EPS8: variants seen among roughly 807,000 people sequenced by gnomAD.
The protein encoded by EPS8 is EGFR pathway substrate 8, signaling adaptor, also known as epidermal growth factor receptor kinase substrate 8.
Under a neutral mutation model 103.8 loss-of-function variants are expected in EPS8, and 42 were observed. The ratio of observed to expected loss-of-function variants is 0.40; its 90% CI spans 0.32 to 0.52. EPS8 has a LOEUF of 0.52. EPS8 is among the 20% of genes least tolerant of loss of function. The pLI is 0.40. For synonymous variants in EPS8, 344 were observed against 344.6 expected (o/e 1.00, Z 0.02); for missense variants, 969 against 1,005.1 (o/e 0.96, Z 0.49).
chr12:15,755,951 T>C (rs1214181414), intron 1 of EPS8, among the ~76,000 whole-genome samples: 1 of 152,204 alleles, frequency 6.6e-6, no homozygotes, highest in Non-Finnish European at 1.5e-5. Flanking sequence ...TGTATTTTGA[T>C]TGCTCCTTCC....
intron 1 of EPS8, among the ~76,000 whole-genome samples, chr12:15,739,674 C>A (rs1015691502): frequency 6.6e-6 from 1 of 152,186 alleles, no homozygotes; most frequent in Non-Finnish European, 1.5e-5. Flanking sequence ...TCACCATCAA[C>A]TTCCCTGGTT....
At chr12:15,673,266 G>A (rs1018765533) in intron 3 of EPS8, among the ~76,000 whole-genome samples, 2 of 152,042 alleles carry the variant, frequency 1.3e-5, no homozygotes, top group African/African-American at 4.8e-5. Context: ...AGTTGTATAA[G>A]AAACTACCTT....
At chr12:15,631,744 C>T (rs866881418) in intron 17 of EPS8, 80 bp from the exon 18 acceptor site, 8 of 1,110,380 alleles carry the variant, frequency 7.2e-6, no homozygotes, top group Non-Finnish European at 1.0e-5. Flanking sequence ...TTTGATAGGA[C>T]ATTGTTGGCT....
At position 15,757,573 on chromosome 12, in the gene EPS8, T is replaced by G. The variant is rs1379538713; in HGVS notation, c.-22+31588A>C. Among the ~76,000 whole-genome samples, 1 of 151,446 alleles carries G rather than the reference T, an allele frequency of 6.6e-6. No homozygotes were observed. The highest frequency in any genetic ancestry group is 1.5e-5 in the Non-Finnish European group (1 of 67,898). On this transcript the variant is annotated intron_variant, in intron 1 of 20. Coordinates refer to ENST00000281172, the MANE Select transcript of EPS8 (RefSeq NM_004447.6). The surrounding 1 kb of genome is among the most constrained non-coding windows in gnomAD (Gnocchi z 4.1). ...TGAACCCAGGAGCCAGAAGTTGCAG[T>G]GAGTTGAGATCGCGCCACTGCACTC...
intron 19 of EPS8, 43 bp downstream of exon 19, chr12:15,624,184 T>G: frequency 6.7e-7 from 1 of 1,497,876 alleles, no homozygotes; most frequent in Non-Finnish European, 9.3e-7. Flanking sequence ...AAACAATGCA[T>G]GTTGTACACA....
chr12:15,768,920 C>T (rs1050817661), intron 1 of EPS8, among the ~76,000 whole-genome samples: 2 of 152,200 alleles, frequency 1.3e-5, no homozygotes, highest in African/African-American at 4.8e-5. Context: ...TTATTTTAAT[C>T]AGACTATACT....
chr12:15,626,426 C>T (rs868120880), intron 18 of EPS8, among the ~76,000 whole-genome samples: 4 of 151,806 alleles, frequency 2.6e-5, no homozygotes, highest in South Asian at 2.1e-4. Context: ...GTCAAGAAAT[C>T]GAGACCATCC....
At chr12:15,670,792 A>G in intron 4 of EPS8, 64 bp downstream of exon 4, 2 of 1,120,988 alleles carry the variant, frequency 1.8e-6, no homozygotes, top group Non-Finnish European at 2.6e-6. Flanking sequence ...ATTCTGATTT[A>G]ACTTCCAATT....
At position 15,731,433 on chromosome 12, in the gene EPS8, G is replaced by T. The variant is rs1946715198; in HGVS notation, c.-21-48461C>A. 6.6e-6 allele frequency among the ~76,000 whole-genome samples: 1 copy of T among 152,098 alleles called. No homozygotes were observed. Among genetic ancestry groups the T allele is most frequent in the African/African-American group, 2.4e-5 (1 of 41,422 alleles). On this transcript the variant is annotated intron_variant, in intron 1 of 20. Transcript: ENST00000281172. The surrounding 1 kb of genome is among the most constrained non-coding windows in gnomAD (Gnocchi z 5.1). ...CCTGCCTCAGATTCCCAAAAGCTGG[G>T]ATTACAGGTGCCTGCCACCACGCCT...
chr12:15,658,312 A>G (rs1010626251), intron 11 of EPS8, among the ~76,000 whole-genome samples, 159 bp from the exon 12 acceptor site: 5 of 152,188 alleles, frequency 3.3e-5, no homozygotes, highest in Non-Finnish European at 5.9e-5. Flanking sequence ...TTGTTTTTCA[A>G]TCAAGTCTCT....
intron 12 of EPS8, 120 bp downstream of exon 12, chr12:15,657,959 T>G: frequency 1.5e-6 from 1 of 657,646 alleles, no homozygotes; most frequent in African/African-American, 1.9e-5. Flanking sequence ...TTTACACAAA[T>G]GGCAAAGAAA....
chr12:15,686,198 T>C (rs1946092835), intron 1 of EPS8, among the ~76,000 whole-genome samples: 1 of 152,202 alleles, frequency 6.6e-6, no homozygotes, highest in Non-Finnish European at 1.5e-5. Context: ...TCCACTTCTA[T>C]TTCATGAATA....
intron 15 of EPS8, 56 bp from the exon 16 acceptor site, chr12:15,641,886 A>G (rs1352972858): frequency 1.0e-6 from 1 of 985,648 alleles, no homozygotes; most frequent in Non-Finnish European, 1.5e-6. Context: ...AAAGGATAAA[A>G]ATGGAAAACA....
intron 17 of EPS8, 115 bp downstream of exon 17, chr12:15,640,588 T>A: frequency 1.1e-6 from 1 of 887,800 alleles, no homozygotes; most frequent in South Asian, 2.4e-5. Flanking sequence ...CTAGAAAAAA[T>A]ATATAACCAA....
At position 15,690,718 on chromosome 12, in the gene EPS8, T is replaced by C. The variant is rs11835559; in HGVS notation, c.-21-7746A>G. Among the ~76,000 whole-genome samples the C allele has an allele frequency of 0.68, 104,073 of 152,122 alleles. 37,934 individuals carry two copies. The highest frequency in any genetic ancestry group is 0.86 in the East Asian group (4,457 of 5,174). ...ATCAGACTGTATCAAGAGCAAAATG[T>C]ATAACTTTATGTCTATGAAAAGTTC... On this transcript the variant is annotated intron_variant, in intron 1 of 20. Transcript: ENST00000281172. The surrounding 1 kb of genome is among the most constrained non-coding windows in gnomAD (Gnocchi z 4.7).
rs141764740 is a variant in EPS8, at chr12:15,751,908, G to A, written c.-22+37253C>T. Among the ~76,000 whole-genome samples, 13 of 152,200 alleles carry A rather than the reference G, an allele frequency of 8.5e-5. No individual in the cohort carries two copies. Among genetic ancestry groups the A allele is most frequent in the African/African-American group, 3.1e-4 (13 of 41,514 alleles). Reference sequence around the variant, plus strand: ...AAATCTGGCATGTGTGTAGGCATGGGCGTGGGGGAGGTGGAGAGCCAGAAA... The same window carrying A: ...AAATCTGGCATGTGTGTAGGCATGGACGTGGGGGAGGTGGAGAGCCAGAAA... On this transcript the variant is annotated intron_variant, in intron 1 of 20. Transcript: ENST00000281172. The surrounding 1 kb of genome is among the most constrained non-coding windows in gnomAD (Gnocchi z 4.3).
rs1944844932 is a variant in EPS8, at chr12:15,620,454, T to C, written c.*863A>G. Reference sequence around the variant, plus strand: ...AAGTGCTTCTTATTACCAGAAATACTTGACACAGATAAACACATAAAATGG... The same window carrying C: ...AAGTGCTTCTTATTACCAGAAATACCTGACACAGATAAACACATAAAATGG... On this transcript the variant is annotated 3_prime_UTR_variant, in exon 21 of 21. Coordinates refer to ENST00000281172, the MANE Select transcript of EPS8 (RefSeq NM_004447.6). 1 of 152,664 alleles carries C rather than the reference T, an allele frequency of 6.6e-6. No individual in the cohort carries two copies. Among genetic ancestry groups the C allele is most frequent in the Non-Finnish European group, 1.5e-5 (1 of 68,034 alleles). The allele number at this position is 152,664 out of a possible 1,614,324, so 9.5% of individuals were successfully genotyped here.
In EPS8 at chr12:15,764,896, A is replaced by T. The variant is rs1344150057; in HGVS notation, c.-22+24265T>A. Among the ~76,000 whole-genome samples, 4 of 152,244 alleles carry T rather than the reference A, an allele frequency of 2.6e-5. No homozygotes were observed. Among genetic ancestry groups the T allele is most frequent in the African/African-American group, 9.6e-5 (4 of 41,464 alleles). On this transcript the variant is annotated intron_variant, in intron 1 of 20. Coordinates refer to ENST00000281172, the MANE Select transcript of EPS8 (RefSeq NM_004447.6). This position sits in a 1 kb window ranked among gnomAD's most constrained non-coding sequence, Gnocchi z 4.1. The stretch of plus-strand genomic sequence containing the variant: ...TCTACAACCATTAAAACTAAACATT[A>T]TCAATGTCAAGTACAATATCACTCT...
rs890453920 is a variant in EPS8, at chr12:15,620,155, C to T, written c.*1162G>A. The T allele has an allele frequency of 2.0e-5, 3 of 152,542 alleles. No individual in the cohort carries two copies. Among genetic ancestry groups the T allele is most frequent in the Non-Finnish European group, 4.4e-5 (3 of 68,018 alleles). 9.4% of individuals were successfully genotyped at this position (152,542 alleles called of 1,614,324 possible). On this transcript the variant is annotated 3_prime_UTR_variant, in exon 21 of 21. Transcript: ENST00000281172. ...ATCCTTTTTGCTAATGAGACAGAAA[C>T]CATTTATTAACAGACAGCAAATACT...
Sources: allele counts gnomAD v4.1 joint callset (sites outside exome capture counted in the v4.1 genomes callset), GRCh38; gene constraint gnomAD v4.1.1; non-coding constraint Gnocchi (gnomAD v3.1); transcripts MANE v1.5; gene names NCBI Gene and HGNC (gene_info 2026-07-23, HGNC 2026-07-21).